Variants in JAZF1 observed in about 807,000 individuals in gnomAD.
JAZF1 encodes the protein JAZF zinc finger 1, also known as juxtaposed with another zinc finger protein 1.
JAZF1 carries 8 observed loss-of-function variants against 26.4 expected under a neutral mutation model. The ratio of observed to expected loss-of-function variants is 0.30; its 90% CI spans 0.18 to 0.55. The LOEUF (loss-of-function observed/expected upper bound fraction) is 0.55, where lower values mean the gene tolerates loss of function less well. Among genes scored for constraint, JAZF1 ranks in the 20% least tolerant of loss-of-function variants. The pLI, the probability that JAZF1 is intolerant of heterozygous loss-of-function variation, is 0.94. For missense variants in JAZF1, 199 were observed against 322.0 expected (o/e 0.62, Z 2.92); for synonymous variants, 126 against 122.3 (o/e 1.03, Z -0.20).
chr7:28,031,503 G>A (rs959948954), intron 1 of JAZF1, among the ~76,000 whole-genome samples: 3 of 152,196 alleles, frequency 2.0e-5, no homozygotes, highest in South Asian at 2.1e-4. Flanking sequence ...TGTAGCTGGC[G>A]ATGCAGTGAG....
chr7:27,887,452 G>A (rs1783888016), intron 3 of JAZF1, among the ~76,000 whole-genome samples: 1 of 152,110 alleles, frequency 6.6e-6, no homozygotes, highest in South Asian at 2.1e-4. Context: ...GTATCACTCT[G>A]TTACCCAGCC....
At chr7:28,145,460 C>T (rs772699993) in intron 1 of JAZF1, among the ~76,000 whole-genome samples, 4 of 152,146 alleles carry the variant, frequency 2.6e-5, no homozygotes, top group African/African-American at 9.7e-5. Context: ...CTTAATCTTA[C>T]CCCTAAGTAA....
At chr7:28,068,040 A>G (rs1317836353) in intron 1 of JAZF1, among the ~76,000 whole-genome samples, 5 of 152,028 alleles carry the variant, frequency 3.3e-5, no homozygotes, top group Non-Finnish European at 5.9e-5. Context: ...CGGCCTCCGG[A>G]GTAGCTGGGA....
At chr7:27,842,852 T>G (rs10486562) in intron 3 of JAZF1, 3 of 152,188 alleles carry the variant, frequency 2.0e-5, no homozygotes, top group Non-Finnish European at 4.4e-5. Context: ...TTGGGCTAAT[T>G]TGTTAACCTG....
intron 2 of JAZF1, among the ~76,000 whole-genome samples, chr7:27,970,276 A>G (rs1363158733): frequency 3.9e-5 from 6 of 152,334 alleles, no homozygotes; most frequent in South Asian, 4.1e-4. Context: ...TATCCAAGAA[A>G]AAACAAAACT....
chr7:28,151,596 T>G (rs1157782941), intron 1 of JAZF1, among the ~76,000 whole-genome samples: 2 of 150,768 alleles, frequency 1.3e-5, no homozygotes, highest in African/African-American at 4.9e-5. Context: ...AGGTCAGGAG[T>G]TTGAGACCAG....
intron 1 of JAZF1, among the ~76,000 whole-genome samples, chr7:28,002,723 G>T (rs934537151): frequency 1.3e-4 from 20 of 152,110 alleles, no homozygotes; most frequent in Non-Finnish European, 2.6e-4. Context: ...GGGACTGCTG[G>T]CTGCTGCCCA....
At chr7:27,920,691 C>T (rs1562529450) in intron 2 of JAZF1, among the ~76,000 whole-genome samples, 1 of 152,146 alleles carries the variant, frequency 6.6e-6, no homozygotes, top group Non-Finnish European at 1.5e-5. Flanking sequence ...GCCTCAGTAG[C>T]CCAGCACAAA....
intron 3 of JAZF1, among the ~76,000 whole-genome samples, chr7:27,894,990 GACAAAAAATCTACAA>G (rs1427180169): frequency 6.6e-6 from 1 of 151,952 alleles, no homozygotes. Context: ...GAAATATATT[GACAAAAAATCTACAA>G]AACCATTATC....
intron 1 of JAZF1, among the ~76,000 whole-genome samples, chr7:28,013,295 C>G (rs1782829478): frequency 6.6e-6 from 1 of 152,108 alleles, no homozygotes; most frequent in African/African-American, 2.4e-5. Flanking sequence ...GGAACCAGAC[C>G]TAGCATAGGG....
chr7:28,039,760 A>G (rs1414601533), intron 1 of JAZF1, among the ~76,000 whole-genome samples: 1 of 152,174 alleles, frequency 6.6e-6, no homozygotes, highest in African/African-American at 2.4e-5. Context: ...TTAAAATTCA[A>G]CGTGTATATG....
chr7:28,042,508 A>T (rs1233275471), intron 1 of JAZF1, among the ~76,000 whole-genome samples: 1 of 152,232 alleles, frequency 6.6e-6, no homozygotes, highest in East Asian at 1.9e-4. Flanking sequence ...GCAGAAAGCA[A>T]ATTAATTTAT....
chr7:28,121,532 A>T (rs1294508962), intron 1 of JAZF1, among the ~76,000 whole-genome samples: 1 of 152,200 alleles, frequency 6.6e-6, no homozygotes, highest in Non-Finnish European at 1.5e-5. Context: ...CACTATTCGT[A>T]TGACACTCAA....
chr7:28,090,767 C>T (rs1377175330), intron 1 of JAZF1, among the ~76,000 whole-genome samples: 1 of 151,758 alleles, frequency 6.6e-6, no homozygotes, highest in East Asian at 1.9e-4. Flanking sequence ...TTCCTCTTTT[C>T]CTATTCAAGC....
intron 3 of JAZF1, among the ~76,000 whole-genome samples, chr7:27,880,047 C>T (rs745760116): frequency 2.6e-5 from 4 of 152,174 alleles, no homozygotes; most frequent in East Asian, 1.9e-4. Flanking sequence ...ACAGCTACCA[C>T]GAAGATGGAG....
At chr7:27,977,475 C>A (rs1056327784) in intron 2 of JAZF1, among the ~76,000 whole-genome samples, 8 of 152,282 alleles carry the variant, frequency 5.3e-5, no homozygotes, top group East Asian at 3.9e-4. Flanking sequence ...AATTTGAAGT[C>A]TTTCTGGTAT....
intron 1 of JAZF1, among the ~76,000 whole-genome samples, chr7:28,172,649 G>T (rs547891751): frequency 1.3e-5 from 2 of 152,296 alleles, no homozygotes; most frequent in African/African-American, 4.8e-5. Context: ...ACAAGTGAAA[G>T]AATTCTCCAC....
chr7:27,856,605 G>A (rs1378748904), intron 3 of JAZF1, among the ~76,000 whole-genome samples: 10 of 152,096 alleles, frequency 6.6e-5, no homozygotes, highest in East Asian at 1.9e-4. Context: ...TGATTGGTGC[G>A]TTTACAATCC....
At chr7:28,110,580 A>AAAGGG in intron 1 of JAZF1, among the ~76,000 whole-genome samples, 12 of 99,520 alleles carry the variant, frequency 1.2e-4, no homozygotes, top group African/African-American at 4.5e-4. Context: ...AGGGAAAGGG[A>AAAGGG]AAAGGAAAAG....
Sources: gnomAD v4.1 joint callset for allele counts (sites outside exome capture counted in the v4.1 genomes callset) on GRCh38, gnomAD v4.1.1 for gene constraint, MANE v1.5 for transcripts, NCBI Gene and HGNC (gene_info 2026-07-23, HGNC 2026-07-21) for gene names.